Variants in NCKAP5 observed in about 807,000 individuals in gnomAD.
The protein encoded by NCKAP5 is nck-associated protein 5.
In NCKAP5, 92 loss-of-function variants were observed where a neutral mutation model predicts 167.0. That is an observed-to-expected ratio of 0.55 (90% confidence interval 0.47 to 0.66). The LOEUF (loss-of-function observed/expected upper bound fraction) is 0.66, where lower values mean the gene tolerates loss of function less well. Among genes scored for constraint, NCKAP5 ranks in the 30% least tolerant of loss-of-function variants. The pLI is 0.00. For synonymous variants in NCKAP5, 891 were observed against 877.4 expected, an observed-to-expected ratio of 1.02 and a Z score of -0.27; for missense variants, 2,378 against 2,315.0, an observed-to-expected ratio of 1.03 and a Z score of -0.56.
At chr2:133,635,770 T>G in the NCKAP5 span, among the ~76,000 whole-genome samples, 13 of 152,292 alleles carry the variant, frequency 8.5e-5, no homozygotes, top group South Asian at 2.7e-3. Flanking sequence ...TAAAAACTTA[T>G]GATAGAGAGA....
At chr2:132,779,951 A>C (rs929742412) in intron 15 of NCKAP5, among the ~76,000 whole-genome samples, 2 of 152,164 alleles carry the variant, frequency 1.3e-5, no homozygotes, top group African/African-American at 4.8e-5. Context: ...AAAGATATGG[A>C]TATAGTAATT....
intron 6 of NCKAP5, chr2:133,123,865 G>C: frequency 2.1e-6 from 1 of 468,736 alleles, no homozygotes. Flanking sequence ...TACATGGGTA[G>C]AACATTTAAG....
At chr2:133,521,586 G>T (rs1343509320) in intron 2 of NCKAP5, among the ~76,000 whole-genome samples, 1 of 152,208 alleles carries the variant, frequency 6.6e-6, no homozygotes, top group Non-Finnish European at 1.5e-5. Context: ...TTCTGGTGAG[G>T]CCTCTCTCCT....
chr2:133,639,258 C>A, the NCKAP5 span, among the ~76,000 whole-genome samples: 3 of 152,162 alleles, frequency 2.0e-5, no homozygotes, highest in Non-Finnish European at 4.4e-5. Flanking sequence ...GAACAAATGG[C>A]AACCCCAATA....
At chr2:133,458,812 G>A (rs533649492) in intron 3 of NCKAP5, among the ~76,000 whole-genome samples, 18 of 152,272 alleles carry the variant, frequency 1.2e-4, no homozygotes, top group African/African-American at 3.8e-4. Flanking sequence ...ACAAGCCACA[G>A]TCTGTTTAAA....
chr2:133,434,893 T>G (rs754569523), intron 3 of NCKAP5, among the ~76,000 whole-genome samples: 12 of 152,218 alleles, frequency 7.9e-5, no homozygotes, highest in Non-Finnish European at 1.5e-4. Flanking sequence ...GTTCAGAGTA[T>G]GCACACCTGT....
intron 6 of NCKAP5, among the ~76,000 whole-genome samples, chr2:133,040,630 C>T (rs1281312663): frequency 2.0e-5 from 3 of 152,052 alleles, no homozygotes; most frequent in Non-Finnish European, 4.4e-5. Context: ...CAGTGTGGTT[C>T]TGATAAAAAA....
At chr2:132,932,775 T>A (rs914570913) in intron 8 of NCKAP5, among the ~76,000 whole-genome samples, 6 of 152,080 alleles carry the variant, frequency 3.9e-5, no homozygotes, top group African/African-American at 7.2e-5. Flanking sequence ...CATGCAACCA[T>A]CCCTAGGAAG....
Position 133,386,763 on chromosome 2 carries a change from A to C in NCKAP5, c.70-83653T>G, listed in dbSNP as rs564857430. Among the ~76,000 whole-genome samples, 3 of 152,286 alleles carry C rather than the reference A, an allele frequency of 2.0e-5. No individual in the cohort carries two copies. In the East Asian group the frequency reaches 5.8e-4, roughly 29 times the overall value. ...GGGTGCATATGTATTTAGGATAGTT[A>C]GCTCTTCTTGTTGAATTGATCCCTT... On this transcript the variant is annotated intron_variant, in intron 3 of 19. Transcript: ENST00000409261.
Position 132,785,280 on chromosome 2 carries a change from G to T in NCKAP5, c.1531C>A (p.Leu511Met). 2.5e-6 allele frequency: 4 copies of T among 1,591,420 alleles called. No homozygotes were observed. The highest frequency in any genetic ancestry group is 3.4e-6 in the Non-Finnish European group (4 of 1,167,342). Residue 511 changes from leucine (L) to methionine (M), a missense_variant, in exon 14 of 20, where the codon CTG (leucine) becomes ATG (methionine). Physicochemically the swap from Leu to Met is conservative, Grantham distance 15. Transcript: ENST00000409261. ...SKLTHSVSDSLFGWETNRKHF... is the reference protein window; with the variant it reads ...SKLTHSVSDSMFGWETNRKHF... ...TTTCTGTTTGTCTCCCAGCCAAACA[G>T]ACTGTCGGAAACACTGTGGGTTAAT...
At chr2:133,250,778 A>C (rs2088275796) in intron 4 of NCKAP5, among the ~76,000 whole-genome samples, 2 of 152,150 alleles carry the variant, frequency 1.3e-5, no homozygotes, top group African/African-American at 4.8e-5. Context: ...TCTCTACAAA[A>C]AATTAGTTGT....
chr2:133,197,452 T>A (rs1314826328), intron 5 of NCKAP5, among the ~76,000 whole-genome samples: 2 of 152,128 alleles, frequency 1.3e-5, no homozygotes, highest in African/African-American at 2.4e-5. Flanking sequence ...TCTTTTGAAT[T>A]AAAGCAAGAC....
chr2:133,328,913 G>A (rs1489824979), intron 3 of NCKAP5, among the ~76,000 whole-genome samples: 2 of 152,052 alleles, frequency 1.3e-5, no homozygotes, highest in Non-Finnish European at 2.9e-5. Flanking sequence ...TTGCCCTAGG[G>A]TGTCCATAAT....
intron 9 of NCKAP5, among the ~76,000 whole-genome samples, chr2:132,877,482 C>T (rs1337654090): frequency 1.3e-5 from 2 of 152,160 alleles, no homozygotes; most frequent in African/African-American, 4.8e-5. Context: ...CTTGTTGACA[C>T]ATAGGTCGCT....
chr2:133,498,436 AAG>A (rs1682142994), intron 3 of NCKAP5, among the ~76,000 whole-genome samples: 4 of 83,396 alleles, frequency 4.8e-5, no homozygotes, highest in South Asian at 4.9e-4. Flanking sequence ...AGAAAAACGG[AAG>A]GAAGGAAGGA....
At chr2:132,844,510 T>A (rs1269359881) in intron 11 of NCKAP5, among the ~76,000 whole-genome samples, 1 of 151,958 alleles carries the variant, frequency 6.6e-6, no homozygotes, top group African/African-American at 2.4e-5. Context: ...GTTTTGCTTT[T>A]CTGTGTGAGT....
At chr2:133,151,195 A>T (rs1187386988) in intron 5 of NCKAP5, among the ~76,000 whole-genome samples, 3 of 152,168 alleles carry the variant, frequency 2.0e-5, no homozygotes, top group Admixed American at 1.3e-4. Context: ...AAGTTTTTTT[A>T]AAAAAACAGA....
intron 2 of NCKAP5, among the ~76,000 whole-genome samples, chr2:133,534,999 C>T (rs1473129721): frequency 1.3e-5 from 2 of 152,092 alleles, no homozygotes; most frequent in African/African-American, 2.4e-5. Context: ...TTGCTGCCCA[C>T]CTTCTTTTTT....
chr2:133,610,234 C>T, the NCKAP5 span, among the ~76,000 whole-genome samples: 1 of 152,110 alleles, frequency 6.6e-6, no homozygotes, highest in Non-Finnish European at 1.5e-5. Context: ...CTAAAAGAGA[C>T]ATATTTCTTG....
Sources: gnomAD v4.1 joint callset for allele counts (sites outside exome capture counted in the v4.1 genomes callset) on GRCh38, gnomAD v4.1.1 for gene constraint, MANE v1.5 for transcripts, NCBI Gene and HGNC (gene_info 2026-07-23, HGNC 2026-07-21) for gene names.